Variants in BCAS4 observed in about 807,000 individuals in gnomAD.
BCAS4 encodes the protein breast carcinoma-amplified sequence 4.
A neutral mutation model predicts 15.7 loss-of-function variants in BCAS4; 9 were observed. The observed-to-expected ratio is 0.57, with a 90% CI of 0.34 to 1.00. BCAS4 has a LOEUF of 1.00. Ranked by LOEUF, BCAS4 falls within the 50% of genes least tolerant of loss-of-function variation. The pLI is 0.02. For missense variants in BCAS4, 225 were observed against 239.1 expected, an observed-to-expected ratio of 0.94 and a Z score of 0.39; for synonymous variants, 101 against 99.5, an observed-to-expected ratio of 1.02 and a Z score of -0.09.
At chr20:50,814,340 G>A (rs2088111241) in intron 1 of BCAS4, among the ~76,000 whole-genome samples, 1 of 152,202 alleles carries the variant, frequency 6.6e-6, no homozygotes, top group South Asian at 2.1e-4. Context: ...ACCCAGGAGG[G>A]CAGTGGTACA....
chr20:50,860,307 T>C (rs1429224257), intron 4 of BCAS4, among the ~76,000 whole-genome samples: 2 of 152,172 alleles, frequency 1.3e-5, no homozygotes, highest in Non-Finnish European at 2.9e-5. Flanking sequence ...ATAAGTCCTG[T>C]AGGTTTGTAC....
At chr20:50,880,231 T>C (rs6096154), downstream of BCAS4, 24,114 of 152,128 alleles carry the variant, frequency 0.16, 5,443 homozygotes, top group African/African-American at 0.5. Context: ...TGCCAAACAA[T>C]GAGCTTTAAG....
rs181604203 is a variant in BCAS4, at chr20:50,799,144, G to A, written c.90+3971G>A. On this transcript the variant is annotated intron_variant, in intron 1 of 4. Coordinates refer to ENST00000371608, the MANE Select transcript of BCAS4 (RefSeq NM_198799.4). Reference sequence around the variant, plus strand: ...TTGTTCCTTCTCTCCCTTACTCTCAGCAGCGACATGTCATTGTGCCCAGTG... The same window carrying A: ...TTGTTCCTTCTCTCCCTTACTCTCAACAGCGACATGTCATTGTGCCCAGTG... 1.2e-4 allele frequency among the ~76,000 whole-genome samples: 18 copies of A among 152,266 alleles called. No individual in the cohort carries two copies. In the East Asian group the frequency reaches 2.7e-3, roughly 23 times the overall value.
chr20:50,822,497 T>C (rs2088228346), intron 2 of BCAS4, among the ~76,000 whole-genome samples: 1 of 152,140 alleles, frequency 6.6e-6, no homozygotes, highest in Admixed American at 6.5e-5. Context: ...TTACACCCAC[T>C]AGAATGGCTA....
At chr20:50,810,605 T>TTTTA (rs2088048926) in intron 1 of BCAS4, among the ~76,000 whole-genome samples, 1 of 144,406 alleles carries the variant, frequency 6.9e-6, no homozygotes, top group African/African-American at 2.7e-5. Flanking sequence ...TTTTTTTTTT[T>TTTTA]GAGACGGAGT....
At chr20:50,868,065 T>C (rs1979444430) in intron 4 of BCAS4, among the ~76,000 whole-genome samples, 1 of 152,192 alleles carries the variant, frequency 6.6e-6, no homozygotes, top group African/African-American at 2.4e-5. Flanking sequence ...AATTAGGGCC[T>C]ATCTGATGTT....
At chr20:50,868,620 G>C (rs948884396) in intron 4 of BCAS4, among the ~76,000 whole-genome samples, 1 of 152,122 alleles carries the variant, frequency 6.6e-6, no homozygotes, top group Admixed American at 6.6e-5. Context: ...TGGGGGTCTC[G>C]TTCTATTGCC....
At chr20:50,852,620 G>T (rs1158264645) in intron 4 of BCAS4, among the ~76,000 whole-genome samples, 1 of 152,154 alleles carries the variant, frequency 6.6e-6, no homozygotes, top group African/African-American at 2.4e-5. Context: ...GACCCCAAGT[G>T]ATCCGCCCAT....
At chr20:50,811,439 A>G (rs1283736645) in intron 1 of BCAS4, among the ~76,000 whole-genome samples, 1 of 152,178 alleles carries the variant, frequency 6.6e-6, no homozygotes, top group East Asian at 1.9e-4. Context: ...GGCTTTTAGT[A>G]TATTTACTGT....
intron 4 of BCAS4, among the ~76,000 whole-genome samples, chr20:50,861,898 G>T (rs6126109): frequency 1.7e-5 from 2 of 120,462 alleles, no homozygotes; most frequent in Admixed American, 1.1e-4. Flanking sequence ...CTGTTGCCCA[G>T]ACTGGAGTGG....
rs369388287 is a variant in BCAS4, at chr20:50,842,394, C to T, written c.399+494C>T. ...CTTCCTGGGATCCTCTCCGTGGCCC[C>T]GCAAGGAAGGAAGGATCATGTGTCC... On this transcript the variant is annotated intron_variant, in intron 4 of 4. Transcript: ENST00000371608. Among the ~76,000 whole-genome samples, 11 of 152,264 alleles carry T rather than the reference C, an allele frequency of 7.2e-5. No individual in the cohort carries two copies. In the East Asian group the frequency reaches 1.2e-3, roughly 16 times the overall value.
rs76885716 is a variant in BCAS4 at position 50,848,067 on chromosome 20, C to T, written c.399+6167C>T. On this transcript the variant is annotated intron_variant, in intron 4 of 4. Coordinates refer to ENST00000371608, the MANE Select transcript of BCAS4 (RefSeq NM_198799.4). ...CAATAGCAACAACAACAAAAAAAAA[C>T]AGAAAATTCAGTTAGATGGCTGTTT... Among the ~76,000 whole-genome samples the T allele has an allele frequency of 5.3e-5, 8 of 151,588 alleles. No individual in the cohort carries two copies. The South Asian group carries it at 1.0e-3, about 20-fold the overall frequency.
rs74274609 is a variant in BCAS4 at position 50,831,468 on chromosome 20, G to C, written c.264+1088G>C. Among the ~76,000 whole-genome samples the C allele has an allele frequency of 2.8e-4, 42 of 152,154 alleles. No individual in the cohort carries two copies. The East Asian group carries it at 7.5e-3, about 27-fold the overall frequency. On this transcript the variant is annotated intron_variant, in intron 3 of 4. Transcript: ENST00000371608. Reference sequence around the variant, plus strand: ...GGCTGCTGCTCCTCAGAAGGGCGTGGGCTCTCCAGTCTTCCACAGTCCCCA... The same window carrying C: ...GGCTGCTGCTCCTCAGAAGGGCGTGCGCTCTCCAGTCTTCCACAGTCCCCA...
At chr20:50,852,455 C>T (rs1160793052) in intron 4 of BCAS4, among the ~76,000 whole-genome samples, 2 of 152,102 alleles carry the variant, frequency 1.3e-5, no homozygotes, top group Non-Finnish European at 2.9e-5. Context: ...GATCTTAGCT[C>T]GCTGCAACCT....
chr20:50,856,981 A>C (rs547951424), intron 4 of BCAS4, among the ~76,000 whole-genome samples: 3 of 152,218 alleles, frequency 2.0e-5, no homozygotes, highest in Non-Finnish European at 4.4e-5. Context: ...AAATGTTCAT[A>C]TTTTGAAACT....
At chr20:50,807,985 G>A (rs1049114545) in intron 1 of BCAS4, among the ~76,000 whole-genome samples, 1 of 144,548 alleles carries the variant, frequency 6.9e-6, no homozygotes, top group Non-Finnish European at 1.5e-5. Context: ...TCGGCTCACT[G>A]CAGGCTCCGC....
At chr20:50,844,900 A>G (rs1158629313) in intron 4 of BCAS4, among the ~76,000 whole-genome samples, 3 of 152,142 alleles carry the variant, frequency 2.0e-5, no homozygotes, top group Admixed American at 6.5e-5. Flanking sequence ...TGAGTCATTC[A>G]GCAACCCCAG....
At position 50,851,134 on chromosome 20, in the gene BCAS4, C is replaced by G. The variant is rs55868254; in HGVS notation, c.399+9234C>G. On this transcript the variant is annotated intron_variant, in intron 4 of 4. Transcript: ENST00000371608. This position sits in a 1 kb window ranked among gnomAD's most constrained non-coding sequence, Gnocchi z 4.3. ...TGCAGGAGGTGACTCGGGGAGGGAG[C>G]CCGACAGCTCAGCTTTATCTGGTGG... Among the ~76,000 whole-genome samples the G allele has an allele frequency of 1, 152,223 of 152,224 alleles. 76,111 individuals carry two copies. Among genetic ancestry groups the G allele is most frequent in the Middle Eastern group, 1 (294 of 294 alleles).
At chr20:50,846,148 T>A (rs1417325470) in intron 4 of BCAS4, among the ~76,000 whole-genome samples, 1 of 152,258 alleles carries the variant, frequency 6.6e-6, no homozygotes, top group Non-Finnish European at 1.5e-5. Flanking sequence ...ACAACACATG[T>A]ATTTCATGGC....
Sources: gnomAD v4.1 joint callset for allele counts (sites outside exome capture counted in the v4.1 genomes callset) on GRCh38, gnomAD v4.1.1 for gene constraint, Gnocchi (gnomAD v3.1) non-coding constraint, MANE v1.5 for transcripts, NCBI Gene and HGNC (gene_info 2026-07-23, HGNC 2026-07-21) for gene names.